IPO5: variants seen among roughly 807,000 people sequenced by gnomAD.
IPO5 encodes the protein importin 5.
A neutral mutation model predicts 143.3 loss-of-function variants in IPO5; 18 were observed. The ratio of observed to expected loss-of-function variants is 0.13; its 90% CI spans 0.09 to 0.19. IPO5 has a LOEUF of 0.19. IPO5 is among the 10% of genes least tolerant of loss of function. The pLI, the probability that IPO5 is intolerant of heterozygous loss-of-function variation, is 1.00. For missense variants in IPO5, 1,013 were observed against 1,336.9 expected (o/e 0.76, Z 3.78); for synonymous variants, 477 against 465.7 (o/e 1.02, Z -0.31).
chr13:97,970,609 G>T lies in IPO5; in HGVS notation c.-5+779G>T, dbSNP rs1416069529. Among the ~76,000 whole-genome samples the T allele has an allele frequency of 4.6e-5, 7 of 151,788 alleles. No homozygotes were observed. In the South Asian group the frequency reaches 1.5e-3, roughly 32 times the overall value. ...GCACTCCAGCCTGGGCGACAGAGTG[G>T]GACTCCGTCGCAAAAAAAAAGAAAA... On this transcript the variant is annotated intron_variant, in intron 3 of 28. Transcript: ENST00000651721.
At chr13:97,968,911 A>T (rs867485448) in intron 2 of IPO5, among the ~76,000 whole-genome samples, 130 of 149,222 alleles carry the variant, frequency 8.7e-4, no homozygotes, top group Middle Eastern at 7.0e-3. Context: ...CTGGTCTTGA[A>T]CTCCCGACCT....
At chr13:97,958,113 A>G (rs1276663335) in intron 2 of IPO5, among the ~76,000 whole-genome samples, 1 of 152,222 alleles carries the variant, frequency 6.6e-6, no homozygotes, top group African/African-American at 2.4e-5. Flanking sequence ...AGAAACCTCC[A>G]GGGCCTGGCC....
At chr13:98,012,801 A>ATTT (rs59658983) in intron 21 of IPO5, among the ~76,000 whole-genome samples, 5 of 109,180 alleles carry the variant, frequency 4.6e-5, no homozygotes. Flanking sequence ...GCTAGATTTG[A>ATTT]TTTTTTTTTT....
intron 5 of IPO5, among the ~76,000 whole-genome samples, chr13:97,984,592 A>G (rs982486341): frequency 3.9e-5 from 6 of 152,184 alleles, no homozygotes; most frequent in African/African-American, 1.4e-4. Context: ...TCTACCTACC[A>G]TAAATGTTTC....
chr13:97,986,523 T>A (rs1887366123), intron 6 of IPO5, among the ~76,000 whole-genome samples: 1 of 151,838 alleles, frequency 6.6e-6, no homozygotes, highest in African/African-American at 2.4e-5. Context: ...ACCCAGCTAA[T>A]TTTTTTTGTA....
At chr13:97,981,698 ATTTCT>A (rs1423663863) in intron 4 of IPO5, among the ~76,000 whole-genome samples, 1 of 152,238 alleles carries the variant, frequency 6.6e-6, no homozygotes, top group Non-Finnish European at 1.5e-5. Flanking sequence ...ACTTAAATTG[ATTTCT>A]TTTCCACAGT....
Position 98,000,536 on chromosome 13 carries a change from T to C in IPO5, c.1002-3T>C, listed in dbSNP as rs758578956. 6.2e-6 allele frequency: 10 copies of C among 1,604,052 alleles called. No homozygotes were observed. Among genetic ancestry groups the C allele is most frequent in the East Asian group, 2.2e-5 (1 of 44,802 alleles). On this transcript the variant is annotated splice_polypyrimidine_tract_variant and splice_region_variant and intron_variant, in intron 12 of 28. Transcript: ENST00000651721. ...GAGTACATAATTCTGTTTATGTGTT[T>C]AGCAATGCAGTTGCAGGCGAGAGTG...
intron 6 of IPO5, 102 bp from the exon 7 acceptor site, chr13:97,988,960 C>A: frequency 3.7e-6 from 2 of 543,214 alleles, no homozygotes; most frequent in Non-Finnish European, 3.3e-6. Flanking sequence ...ACATTTTTCA[C>A]TACTCCAGGT....
At chr13:98,012,801 ATTTTTTTT>A (rs59658983) in intron 21 of IPO5, among the ~76,000 whole-genome samples, 1 of 109,158 alleles carries the variant, frequency 9.2e-6, no homozygotes, top group South Asian at 3.6e-4. Flanking sequence ...GCTAGATTTG[ATTTTTTTT>A]TTTTTTTTTT....
At chr13:98,005,542 G>A (rs1889165133) in intron 16 of IPO5, among the ~76,000 whole-genome samples, 1 of 151,970 alleles carries the variant, frequency 6.6e-6, no homozygotes, top group Non-Finnish European at 1.5e-5. Context: ...GACAGGACGG[G>A]CCCAGCAGCA....
chr13:98,021,848 A>T lies in IPO5; in HGVS notation c.*26A>T. 1 of 1,493,770 alleles carries T rather than the reference A, an allele frequency of 6.7e-7. No individual in the cohort carries two copies. 92.5% of individuals were successfully genotyped at this position (1,493,770 alleles called of 1,614,324 possible). ...AGGGCCTTAATGTCACCCACCAGAA[A>T]ACTAACTCCAAATAAACGCTTACCC... is the stretch of plus-strand genomic sequence containing the variant. On this transcript the variant is annotated 3_prime_UTR_variant, in exon 29 of 29. Transcript: ENST00000651721.
At chr13:98,015,969 G>A (rs1043904617) in intron 24 of IPO5, among the ~76,000 whole-genome samples, 188 bp downstream of exon 24, 3 of 152,072 alleles carry the variant, frequency 2.0e-5, no homozygotes, top group African/African-American at 7.2e-5. Flanking sequence ...ATGTCTTTCG[G>A]TGCTATGTGC....
intron 2 of IPO5, among the ~76,000 whole-genome samples, chr13:97,967,252 T>G (rs1885420992): frequency 1.3e-5 from 2 of 152,336 alleles, no homozygotes; most frequent in Admixed American, 1.3e-4. Context: ...TCCTCTTTCA[T>G]TCCTGATTTT....
intron 8 of IPO5, 100 bp from the exon 9 acceptor site, chr13:97,990,333 A>C (rs183095964): frequency 6.2e-6 from 7 of 1,130,586 alleles, no homozygotes; most frequent in Non-Finnish European, 9.2e-6. Flanking sequence ...TACAAACACC[A>C]GTTTTACTGA....
intron 2 of IPO5, chr13:97,960,545 T>C (rs1227817303): frequency 6.6e-6 from 1 of 150,588 alleles, no homozygotes; most frequent in East Asian, 2.1e-4. Flanking sequence ...ATTTTACTTT[T>C]TATTTTATTT....
Position 97,997,607 on chromosome 13 carries a change from T to A in IPO5, c.990T>A (p.Asp330Glu), listed in dbSNP as rs1391739305. 1 of 1,604,958 alleles carries A rather than the reference T, an allele frequency of 6.2e-7. No homozygotes were observed. The change falls in exon 12 of 29, where the codon GAT becomes GAA. Residue 330 changes from aspartate to glutamate, a missense_variant. Physicochemically the swap from Asp to Glu is conservative, Grantham distance 45. Around this residue, in one of 2 missense-constraint regions of IPO5, gnomAD observed 685 missense variants for 994.9 expected, o/e 0.69. Coordinates refer to ENST00000651721, the MANE Select transcript of IPO5 (RefSeq NM_002271.6). Reference sequence around the variant, plus strand: ...CAAATGCAGATGAACTAGAAGATGATGATTTTGACAGGTAATCAAACATTG... The same window carrying A: ...CAAATGCAGATGAACTAGAAGATGAAGATTTTGACAGGTAATCAAACATTG... Reference protein sequence around the residue: ...DWANADELEDDDFDSNAVAGE... With the variant: ...DWANADELEDEDFDSNAVAGE...
chr13:97,980,464 C>T (rs1886746094), intron 4 of IPO5, among the ~76,000 whole-genome samples: 1 of 152,096 alleles, frequency 6.6e-6, no homozygotes, highest in Non-Finnish European at 1.5e-5. Context: ...ATAGTCACAC[C>T]AACAGTTCCG....
chr13:97,965,408 T>C (rs1266189658), intron 2 of IPO5, among the ~76,000 whole-genome samples: 1 of 152,188 alleles, frequency 6.6e-6, no homozygotes, highest in Non-Finnish European at 1.5e-5. Flanking sequence ...GGAATTTTAA[T>C]TGGGATTACC....
At chr13:97,975,536 G>A (rs1372862300) in intron 3 of IPO5, 1 of 152,202 alleles carries the variant, frequency 6.6e-6, no homozygotes, top group African/African-American at 2.4e-5. Flanking sequence ...CTCAACAAAA[G>A]TACCCTCTGA....
Sources: allele counts gnomAD v4.1 joint callset (sites outside exome capture counted in the v4.1 genomes callset), GRCh38; gene constraint gnomAD v4.1.1; regional missense constraint gnomAD v4.1.1; transcripts MANE v1.5; gene names NCBI Gene and HGNC (gene_info 2026-07-23, HGNC 2026-07-21).